The following CCDC63 variants were observed in gnomAD, a reference collection of about 807,000 sequenced individuals.
CCDC63 encodes coiled-coil domain containing 63, also known as coiled-coil domain-containing protein 63.
In CCDC63, 54 loss-of-function variants were observed where a neutral mutation model predicts 63.6. That is an observed-to-expected ratio of 0.85 (90% confidence interval 0.68 to 1.07). CCDC63 has a LOEUF of 1.07. Among genes scored for constraint, CCDC63 ranks in the 50% least tolerant of loss-of-function variants. The pLI is 0.00. For missense variants in CCDC63, 637 were observed against 689.6 expected (o/e 0.92, Z 0.86); for synonymous variants, 253 against 266.1 (o/e 0.95, Z 0.48).
At chr12:110,884,850 CTA>C (rs1397805367) in intron 8 of CCDC63, among the ~76,000 whole-genome samples, 1 of 94,778 alleles carries the variant, frequency 1.1e-5, no homozygotes, top group Non-Finnish European at 2.1e-5. Context: ...CGACGCCCTG[CTA>C]TTTTTTTTTT....
At chr12:110,900,334 G>C (rs562593373) in intron 10 of CCDC63, among the ~76,000 whole-genome samples, 7 of 152,104 alleles carry the variant, frequency 4.6e-5, no homozygotes, top group Non-Finnish European at 5.9e-5. Context: ...GGATGTCTGC[G>C]TGCTGTCACC....
rs575923434 is a variant in CCDC63 at position 110,872,038 on chromosome 12, A to G, written c.370-1804A>G. The stretch of plus-strand genomic sequence containing the variant: ...TTAAAATCAATATGATGCCTTAATT[A>G]TAATATAAGGAAGAAATAAAAGTTA... On this transcript the variant is annotated intron_variant, in intron 4 of 11. Coordinates refer to ENST00000308208, the MANE Select transcript of CCDC63 (RefSeq NM_152591.3). Among the ~76,000 whole-genome samples, 5 of 152,320 alleles carry G rather than the reference A, an allele frequency of 3.3e-5. No individual in the cohort carries two copies. In the East Asian group the frequency reaches 5.8e-4, roughly 18 times the overall value.
chr12:110,894,600 C>T (rs2071395249), intron 9 of CCDC63, among the ~76,000 whole-genome samples: 1 of 152,182 alleles, frequency 6.6e-6, no homozygotes, highest in Non-Finnish European at 1.5e-5. Flanking sequence ...AGAGCGGCAT[C>T]TCCCGGATAT....
At position 110,889,942 on chromosome 12, in the gene CCDC63, A is replaced by C. The variant is rs911076120; in HGVS notation, c.1075-3134A>C. On this transcript the variant is annotated intron_variant, in intron 8 of 11. Coordinates refer to ENST00000308208, the MANE Select transcript of CCDC63 (RefSeq NM_152591.3). This position sits in a 1 kb window ranked among gnomAD's most constrained non-coding sequence, Gnocchi z 4.1. ...AATTTGGAAAATACTAAAAAGTATA[A>C]ATACAACCTCCAAATCAGGAATAAT... Among the ~76,000 whole-genome samples the C allele has an allele frequency of 5.3e-5, 8 of 152,130 alleles. No individual in the cohort carries two copies. The highest frequency in any genetic ancestry group is 1.9e-4 in the African/African-American group (8 of 41,426).
At chr12:110,904,846 G>A (rs2071538735) in intron 11 of CCDC63, 55 bp downstream of exon 11, 2 of 1,426,226 alleles carry the variant, frequency 1.4e-6, no homozygotes, top group Admixed American at 2.2e-5. Context: ...GTGCCTTCAG[G>A]TCTGGGGAGA....
intron 4 of CCDC63, among the ~76,000 whole-genome samples, chr12:110,859,570 T>C (rs940563679): frequency 6.6e-6 from 1 of 151,966 alleles, no homozygotes; most frequent in East Asian, 1.9e-4. Context: ...CCTCCCAAAA[T>C]GCTGAGATTA....
chr12:110,872,070 CT>C (rs1371922909), intron 4 of CCDC63, among the ~76,000 whole-genome samples: 1 of 152,046 alleles, frequency 6.6e-6, no homozygotes, highest in Non-Finnish European at 1.5e-5. Context: ...GTTATTTGTA[CT>C]AGAATGATAT....
chr12:110,853,314 A>AC (rs1274757259), intron 2 of CCDC63, 91 bp from the exon 3 acceptor site: 11 of 1,302,012 alleles, frequency 8.4e-6, no homozygotes, highest in Non-Finnish European at 7.4e-6. Flanking sequence ...TGGCCCAGCC[A>AC]CCCCCACTGC....
chr12:110,901,472 G>A (rs768543275), intron 10 of CCDC63, among the ~76,000 whole-genome samples: 35 of 151,392 alleles, frequency 2.3e-4, no homozygotes, highest in Admixed American at 5.9e-4. Flanking sequence ...AAGTCATCCC[G>A]CTGCCTTGGC....
rs2071333976 is a variant in CCDC63 at position 110,889,829 on chromosome 12, T to C, written c.1075-3247T>C. 6.7e-6 allele frequency among the ~76,000 whole-genome samples: 1 copy of C among 148,388 alleles called. No homozygotes were observed. ...TGGTAGAGATCCCCCACCCCACCCC[T>C]GCCCTGTAAAGATCGGAAGACTCAC... On this transcript the variant is annotated intron_variant, in intron 8 of 11. Coordinates refer to ENST00000308208, the MANE Select transcript of CCDC63 (RefSeq NM_152591.3). This position sits in a 1 kb window ranked among gnomAD's most constrained non-coding sequence, Gnocchi z 4.1.
chr12:110,856,224 T>C (rs2070768370), intron 3 of CCDC63, among the ~76,000 whole-genome samples: 1 of 152,002 alleles, frequency 6.6e-6, no homozygotes, highest in African/African-American at 2.4e-5. Context: ...TAGCTAGGAC[T>C]ACAGGCGCCC....
At position 110,904,591 on chromosome 12, in the gene CCDC63, T is replaced by G; in HGVS notation, c.1346T>G (p.Ile449Ser). The G allele has an allele frequency of 6.2e-7, 1 of 1,613,894 alleles. No individual in the cohort carries two copies. The highest frequency in any genetic ancestry group is 8.5e-7 in the Non-Finnish European group (1 of 1,179,914). Residue 449 changes from isoleucine (I) to serine (S), a missense_variant, in exon 11 of 12, where the codon ATC (isoleucine) becomes AGC (serine). Coordinates refer to ENST00000308208, the MANE Select transcript of CCDC63 (RefSeq NM_152591.3). The part of the protein sequence containing the change: ...TDINLPQYFA[I>S]IEKKTNDLLL... ...GGTCCTGCTTCTTGTTCTCCAGCCATCATTGAAAAGAAGACCAACGACCTG... is the reference window on the plus strand; with the variant it reads ...GGTCCTGCTTCTTGTTCTCCAGCCAGCATTGAAAAGAAGACCAACGACCTG...
chr12:110,906,318 AGAGGAGGAG>A (rs141428157), intron 11 of CCDC63, among the ~76,000 whole-genome samples: 86 of 131,956 alleles, frequency 6.5e-4, no homozygotes, highest in Admixed American at 2.6e-3. Flanking sequence ...AGAGGCAGGA[AGAGGAGGAG>A]GAGGAGGAGG....
In CCDC63 at chr12:110,881,152, C is replaced by G. The variant is rs775890946; in HGVS notation, c.709C>G (p.Arg237Gly). Residue 237 changes from arginine (R) to glycine (G), a missense_variant, in exon 7 of 12, where the codon CGC becomes GGC. Coordinates refer to ENST00000308208, the MANE Select transcript of CCDC63 (RefSeq NM_152591.3). ...GGCTCGAATGGCTGCCATGAAAGAC[C>G]GCCAGAAGAAGGACACCTCTCAGTA... Reference protein sequence around the residue: ...AMARMAAMKDRQKKDTSQYNL... With the variant: ...AMARMAAMKDGQKKDTSQYNL... 1 of 1,612,078 alleles carries G rather than the reference C, an allele frequency of 6.2e-7. No individual in the cohort carries two copies. The highest frequency in any genetic ancestry group is 8.5e-7 in the Non-Finnish European group (1 of 1,179,616).
intron 3 of CCDC63, among the ~76,000 whole-genome samples, chr12:110,854,293 CTT>C (rs34749124): frequency 3.0e-5 from 3 of 101,580 alleles, no homozygotes; most frequent in Non-Finnish European, 1.8e-5. Context: ...TTTCTTTTCT[CTT>C]TTTTTTTTTT....
chr12:110,895,838 G>A (rs1205013020), intron 9 of CCDC63, among the ~76,000 whole-genome samples: 2 of 152,198 alleles, frequency 1.3e-5, no homozygotes, highest in Non-Finnish European at 1.5e-5. Flanking sequence ...AAACTGGTAA[G>A]TCACCCTCAC....
chr12:110,896,880 G>A (rs2071421852), intron 9 of CCDC63, among the ~76,000 whole-genome samples: 1 of 152,216 alleles, frequency 6.6e-6, no homozygotes, highest in Non-Finnish European at 1.5e-5. Context: ...CGGGAGGCTT[G>A]CTAAAACCAG....
At chr12:110,849,295 A>G (rs951946208) in intron 1 of CCDC63, among the ~76,000 whole-genome samples, 3 of 152,204 alleles carry the variant, frequency 2.0e-5, no homozygotes, top group Admixed American at 6.5e-5. Flanking sequence ...GTCTAGAGGT[A>G]GGCAGTTCCA....
intron 1 of CCDC63, among the ~76,000 whole-genome samples, chr12:110,852,225 C>T (rs2070712873): frequency 6.6e-6 from 1 of 152,228 alleles, no homozygotes; most frequent in African/African-American, 2.4e-5. Context: ...GGGCACATTT[C>T]TATTTAACCC....
Sources: gnomAD v4.1 joint callset for allele counts (sites outside exome capture counted in the v4.1 genomes callset) on GRCh38, gnomAD v4.1.1 for gene constraint, Gnocchi (gnomAD v3.1) non-coding constraint, MANE v1.5 for transcripts, NCBI Gene and HGNC (gene_info 2026-07-23, HGNC 2026-07-21) for gene names.